Variants in ADD1 observed in about 807,000 individuals in gnomAD.
ADD1 encodes the protein adducin 1.
ADD1 carries 24 observed loss-of-function variants against 80.5 expected under a neutral mutation model. That is an observed-to-expected ratio of 0.30 (90% CI 0.22 to 0.42). The LOEUF is 0.42. ADD1 is among the 10% of genes least tolerant of loss of function. ADD1 has a pLI of 1.00. For synonymous variants in ADD1, 373 were observed against 393.8 expected, an observed-to-expected ratio of 0.95 and a Z score of 0.63; for missense variants, 948 against 1,019.0, an observed-to-expected ratio of 0.93 and a Z score of 0.95.
intron 14 of ADD1, among the ~76,000 whole-genome samples, chr4:2,918,400 AAGG>A (rs1739433394): frequency 6.6e-6 from 1 of 152,196 alleles, no homozygotes; most frequent in Non-Finnish European, 1.5e-5. Context: ...TTATCAGCTT[AAGG>A]AGATTTTGGG....
At chr4:2,918,087 G>A (rs1739378263) in intron 14 of ADD1, among the ~76,000 whole-genome samples, 2 of 152,328 alleles carry the variant, frequency 1.3e-5, no homozygotes, top group Admixed American at 1.3e-4. Flanking sequence ...GATGGGCATA[G>A]CATTGAATCT....
Position 2,899,418 on chromosome 4 carries a change from C to A in ADD1, c.1144C>A (p.Arg382=), listed in dbSNP as rs1352553576. ...IGEQEFEALM[R]MLDNLGYRTG... is the part of the protein sequence containing the mutation. The stretch of plus-strand genomic sequence containing the variant: ...TGAGCAGGAATTTGAAGCCCTCATG[C>A]GGATGCTCGATAATCTGGTAAGAAT... Residue 382 remains arginine, a synonymous_variant, in exon 9 of 16, where the codon CGG becomes AGG. Coordinates refer to ENST00000683351, the MANE Select transcript of ADD1 (RefSeq NM_001354761.2). 1.2e-6 allele frequency: 2 copies of A among 1,614,062 alleles called. No homozygotes were observed. Among genetic ancestry groups the A allele is most frequent in the Non-Finnish European group, 1.7e-6 (2 of 1,180,040 alleles).
rs762029413 is a variant in ADD1 at position 2,876,117 on chromosome 4, A to C, written c.195+7A>C. On this transcript the variant is annotated splice_region_variant and intron_variant, in intron 2 of 15. Coordinates refer to ENST00000683351, the MANE Select transcript of ADD1 (RefSeq NM_001354761.2). ...CATGATTCTGCAAAGCCCTGTGAGA[A>C]GAGAAGTCTTTTCTCTGACCAGATG... is the stretch of plus-strand genomic sequence containing the variant. 102 of 1,609,128 alleles carry C rather than the reference A, an allele frequency of 6.3e-5. No individual in the cohort carries two copies. The highest frequency in any genetic ancestry group is 7.6e-5 in the Non-Finnish European group (89 of 1,178,212).
intron 2 of ADD1, among the ~76,000 whole-genome samples, chr4:2,877,018 A>AAC (rs1491036475): frequency 7.0e-6 from 1 of 143,214 alleles, no homozygotes. Context: ...AAAAAAAAAA[A>AAC]ACCCTAGCTC....
intron 13 of ADD1, among the ~76,000 whole-genome samples, chr4:2,913,001 C>T (rs766266835): frequency 1.6e-4 from 24 of 152,004 alleles, no homozygotes; most frequent in South Asian, 4.2e-4. Context: ...CCCACTACCA[C>T]GCCTGGTTAA....
At chr4:2,879,493 A>G (rs866484124) in intron 2 of ADD1, among the ~76,000 whole-genome samples, 2 of 152,182 alleles carry the variant, frequency 1.3e-5, no homozygotes, top group Non-Finnish European at 2.9e-5. Flanking sequence ...TTTGAAAACC[A>G]TTGAAATAGA....
intron 6 of ADD1, among the ~76,000 whole-genome samples, chr4:2,895,558 A>G (rs1735051998): frequency 2.6e-5 from 4 of 152,148 alleles, no homozygotes; most frequent in Admixed American, 2.0e-4. Flanking sequence ...GCAGCCAACC[A>G]GCAGGACCCA....
chr4:2,854,020 C>T (rs1727708262), intron 1 of ADD1, among the ~76,000 whole-genome samples: 1 of 152,046 alleles, frequency 6.6e-6, no homozygotes, highest in Non-Finnish European at 1.5e-5. Context: ...ATAAACATTC[C>T]TTGTATTCTA....
chr4:2,916,216 A>G (rs180995240), intron 14 of ADD1, among the ~76,000 whole-genome samples: 3 of 148,574 alleles, frequency 2.0e-5, no homozygotes, highest in African/African-American at 5.0e-5. Flanking sequence ...ATTATTTTTG[A>G]GATGAAGTCT....
intron 1 of ADD1, among the ~76,000 whole-genome samples, chr4:2,851,865 G>C (rs1407875415): frequency 6.6e-6 from 1 of 151,758 alleles, no homozygotes; most frequent in African/African-American, 2.4e-5. Flanking sequence ...TTTTGAGATG[G>C]AGTTTCGCTC....
chr4:2,859,169 G>A (rs1728494495), intron 1 of ADD1, among the ~76,000 whole-genome samples: 1 of 152,080 alleles, frequency 6.6e-6, no homozygotes, highest in Admixed American at 6.6e-5. Flanking sequence ...GAGGCACTGT[G>A]GAGAAAAAGC....
At chr4:2,883,718 C>T (rs974542741) in intron 3 of ADD1, among the ~76,000 whole-genome samples, 2 of 151,854 alleles carry the variant, frequency 1.3e-5, no homozygotes, top group Non-Finnish European at 2.9e-5. Flanking sequence ...GTCGCCTGGG[C>T]TGCAGTGCAG....
At position 2,914,766 on chromosome 4, in the gene ADD1, C is replaced by T. The variant is rs1318433939; in HGVS notation, c.1792-118C>T. Reference sequence around the variant, plus strand: ...CCTCGGGCCCATGGCAGTGCAGTCTCAGGGGTCTCTGCTCCTGGAAAGCCT... The same window carrying T: ...CCTCGGGCCCATGGCAGTGCAGTCTTAGGGGTCTCTGCTCCTGGAAAGCCT... On this transcript the variant is annotated intron_variant, in intron 13 of 15. Transcript: ENST00000683351. 9.0e-6 allele frequency: 11 copies of T among 1,220,546 alleles called. No individual in the cohort carries two copies. The African/African-American group carries it at 1.2e-4, about 13-fold the overall frequency. The allele number at this position is 1,220,546 out of a possible 1,614,324, so 75.6% of individuals were successfully genotyped here.
rs1158870667 is a variant in ADD1 at position 2,929,861 on chromosome 4, G to A, written c.*1338G>A. The A allele has an allele frequency of 2.6e-5, 4 of 152,656 alleles. No individual in the cohort carries two copies. The highest frequency in any genetic ancestry group is 5.9e-5 in the Non-Finnish European group (4 of 68,056). 9.5% of individuals were successfully genotyped at this position (152,656 alleles called of 1,614,324 possible). A position where few individuals can be genotyped will look rare whatever the true frequency, so the allele number is the denominator to read the frequency against. On this transcript the variant is annotated 3_prime_UTR_variant, in exon 16 of 16. Transcript: ENST00000683351. The stretch of plus-strand genomic sequence containing the variant: ...TTTTGTTGCCAAGGCAGAATGAAAA[G>A]TCCTTAACCGTGGACTCTTCCTTTA...
chr4:2,882,300 T>C (rs1056961460), intron 3 of ADD1, among the ~76,000 whole-genome samples: 3 of 152,248 alleles, frequency 2.0e-5, no homozygotes, highest in Non-Finnish European at 4.4e-5. Context: ...CAGATGACTT[T>C]TTATGTGTCT....
chr4:2,890,170 G>A (rs1251778301), intron 4 of ADD1, among the ~76,000 whole-genome samples: 1 of 151,134 alleles, frequency 6.6e-6, no homozygotes, highest in Non-Finnish European at 1.5e-5. Flanking sequence ...CTCCAGCCTG[G>A]GCGACAGAGT....
rs542194488 is a variant in ADD1 at position 2,845,511 on chromosome 4, A to C, written c.-21+1487A>C. On this transcript the variant is annotated intron_variant, in intron 1 of 15. Transcript: ENST00000683351. ...CGATGTGGTTTACAATGGTATGGAC[A>C]GCTGGTATGATTTGTTAGTTTTCTA... 2.6e-5 allele frequency among the ~76,000 whole-genome samples: 4 copies of C among 152,342 alleles called. No individual in the cohort carries two copies. The East Asian group carries it at 7.7e-4, about 29-fold the overall frequency.
chr4:2,867,266 A>G (rs1055405771), intron 1 of ADD1, among the ~76,000 whole-genome samples: 2 of 152,090 alleles, frequency 1.3e-5, no homozygotes, highest in African/African-American at 4.8e-5. Context: ...ATTTTCCTCA[A>G]CTGGGTTTGG....
intron 1 of ADD1, among the ~76,000 whole-genome samples, chr4:2,847,164 C>T (rs192168683): frequency 2.6e-5 from 4 of 151,704 alleles, no homozygotes; most frequent in Admixed American, 2.6e-4. Flanking sequence ...TGCGGTCGCT[C>T]ACAATCCCGG....
Sources: allele counts gnomAD v4.1 joint callset (sites outside exome capture counted in the v4.1 genomes callset), GRCh38; gene constraint gnomAD v4.1.1; transcripts MANE v1.5; gene names NCBI Gene and HGNC (gene_info 2026-07-23, HGNC 2026-07-21).